The following PIKFYVE variants were observed in gnomAD, a reference collection of about 807,000 sequenced individuals.
PIKFYVE encodes the protein phosphoinositide kinase, FYVE-type zinc finger containing, also known as 1-phosphatidylinositol 3-phosphate 5-kinase.
PIKFYVE carries 122 observed loss-of-function variants against 257.9 expected under a neutral mutation model. That is an observed-to-expected ratio of 0.47 (90% confidence interval 0.41 to 0.55). The LOEUF is 0.55. Ranked by LOEUF, PIKFYVE falls within the 20% of genes least tolerant of loss-of-function variation. The probability of loss-of-function intolerance (pLI) is 0.00; values close to 1 mark genes in which losing one functional copy is unlikely to be tolerated. For synonymous variants in PIKFYVE, 892 were observed against 868.9 expected, an observed-to-expected ratio of 1.03 and a Z score of -0.47; for missense variants, 2,160 against 2,536.6, an observed-to-expected ratio of 0.85 and a Z score of 3.19.
intron 7 of PIKFYVE, among the ~76,000 whole-genome samples, chr2:208,292,969 T>G (rs2125236921): frequency 6.6e-6 from 1 of 152,246 alleles, no homozygotes; most frequent in South Asian, 2.1e-4. Flanking sequence ...TTTCTACTTG[T>G]TGCCCTTGTT....
Position 208,340,067 on chromosome 2 carries a change from A to G in PIKFYVE, c.4867A>G (p.Thr1623Ala), listed in dbSNP as rs369050968. Residue 1623 changes from threonine (T) to alanine (A), a missense_variant, in exon 31 of 42, where the codon ACC (threonine) becomes GCC (alanine). By Grantham distance (58) the Thr-to-Ala change is moderately conservative. This residue lies in a region of PIKFYVE where 699 missense variants were observed against 855.8 expected (regional missense o/e 0.82). Transcript: ENST00000264380. ...STDSQVKEKS[T>A]MKAIFANLLP... ...AGACAGCCAAGTGAAGGAAAAGTCA[A>G]CCATGAAAGCCATCTTTGCAAATTT... The G allele has an allele frequency of 9.3e-6, 15 of 1,614,052 alleles. No homozygotes were observed. The highest frequency in any genetic ancestry group is 1.3e-5 in the Non-Finnish European group (15 of 1,179,908).
chr2:208,273,869 T>A, intron 3 of PIKFYVE, 136 bp downstream of exon 3: 1 of 1,374,398 alleles, frequency 7.3e-7, no homozygotes, highest in African/African-American at 1.4e-5. Context: ...AATAGTCAGG[T>A]ACTGTTTAGA....
At chr2:208,315,790 G>C (rs1695433753) in intron 15 of PIKFYVE, among the ~76,000 whole-genome samples, 1 of 151,734 alleles carries the variant, frequency 6.6e-6, no homozygotes, top group South Asian at 2.1e-4. Context: ...CTTTGAATCT[G>C]GCCCAACACC....
At chr2:208,349,904 T>G in intron 35 of PIKFYVE, 120 bp from the exon 36 acceptor site, 1 of 1,419,922 alleles carries the variant, frequency 7.0e-7, no homozygotes, top group Non-Finnish European at 9.6e-7. Flanking sequence ...GTGACTTGAG[T>G]AGGATATTTT....
Position 208,347,955 on chromosome 2 carries a change from A to G in PIKFYVE, c.5306A>G (p.Asp1769Gly). ...AAGAGAGAGACCTTACGTGGAGCAG[A>G]TAGTGCTTACTACCAGGTTGGGCAG... ...SQKRETLRGA[D>G]SAYYQVGQTG... The change falls in exon 35 of 42, where the codon GAT (aspartate) becomes GGT (glycine). Residue 1769 changes from aspartate (D) to glycine (G), a missense_variant. By Grantham distance (94) the Asp-to-Gly change is moderately conservative (BLOSUM62 -1). This residue lies in a region of PIKFYVE where 699 missense variants were observed against 855.8 expected (regional missense o/e 0.82). Coordinates refer to ENST00000264380, the MANE Select transcript of PIKFYVE (RefSeq NM_015040.4). 1 of 1,614,140 alleles carries G rather than the reference A, an allele frequency of 6.2e-7. No individual in the cohort carries two copies. Among genetic ancestry groups the G allele is most frequent in the Non-Finnish European group, 8.5e-7 (1 of 1,179,966 alleles).
chr2:208,340,769 A>T (rs1175192010), intron 31 of PIKFYVE, among the ~76,000 whole-genome samples: 1 of 152,188 alleles, frequency 6.6e-6, no homozygotes, highest in African/African-American at 2.4e-5. Context: ...TGCCTGTTTA[A>T]GTGTCCTGTG....
intron 17 of PIKFYVE, among the ~76,000 whole-genome samples, chr2:208,320,919 GCTCTCTCCCCAGGGAGGCACACCCGCAT>G (rs1371093168): frequency 1.3e-5 from 2 of 152,246 alleles, no homozygotes; most frequent in East Asian, 3.9e-4. Context: ...TGCTTGCAGG[GCTCTCTCCCCAGGGAGGCACACCCGCAT>G]CTCTGTGTGG....
At chr2:208,306,185 T>C (rs1010077941) in intron 12 of PIKFYVE, among the ~76,000 whole-genome samples, 1 of 152,194 alleles carries the variant, frequency 6.6e-6, no homozygotes, top group Admixed American at 6.5e-5. Flanking sequence ...GTAGAGAAGG[T>C]GTGTTAATGA....
At chr2:208,332,714 A>C (rs1697685284) in intron 23 of PIKFYVE, among the ~76,000 whole-genome samples, 1 of 152,184 alleles carries the variant, frequency 6.6e-6, no homozygotes, top group Admixed American at 6.5e-5. Flanking sequence ...ATTTACAAAT[A>C]TACTGGCTGT....
chr2:208,317,320 G>A (rs1695645932), intron 15 of PIKFYVE, among the ~76,000 whole-genome samples: 1 of 151,846 alleles, frequency 6.6e-6, no homozygotes, highest in Non-Finnish European at 1.5e-5. Flanking sequence ...GTGGGCAAAG[G>A]ATATGAACAG....
intron 35 of PIKFYVE, 45 bp from the exon 36 acceptor site, chr2:208,349,979 A>C: frequency 6.2e-7 from 1 of 1,607,914 alleles, no homozygotes; most frequent in Non-Finnish European, 8.5e-7. Flanking sequence ...ATGAACTGAT[A>C]ATTACTCAAA....
rs768197785 is a variant in PIKFYVE, at chr2:208,300,942, T to G, written c.1056T>G (p.Ser352Arg). Residue 352 changes from serine (S) to arginine (R), a missense_variant, in exon 9 of 42, where the codon AGT becomes AGG. Physicochemically the swap from Ser to Arg is moderately radical, Grantham distance 110. This residue lies in a region of PIKFYVE where 187 missense variants were observed against 185.6 expected (regional missense o/e 1.01). Transcript: ENST00000264380. Reference protein sequence around the residue: ...TEDERKILLDSVQLKDLWKKI... With the variant: ...TEDERKILLDRVQLKDLWKKI... Reference sequence around the variant, plus strand: ...TGCTGTTAATGTGATTGCAGGACAGTGTGCAGTTAAAAGACCTGTGGAAAA... The same window carrying G: ...TGCTGTTAATGTGATTGCAGGACAGGGTGCAGTTAAAAGACCTGTGGAAAA... The G allele has an allele frequency of 6.2e-7, 1 of 1,614,036 alleles. No individual in the cohort carries two copies. The highest frequency in any genetic ancestry group is 8.5e-7 in the Non-Finnish European group (1 of 1,179,972).
At position 208,325,493 on chromosome 2, in the gene PIKFYVE, G is replaced by C. The variant is rs139157818; in HGVS notation, c.2682G>C (p.Glu894Asp). 4.6e-5 allele frequency: 75 copies of C among 1,614,064 alleles called. No individual in the cohort carries two copies. The African/African-American group carries it at 9.5e-4, about 20-fold the overall frequency. The stretch of plus-strand genomic sequence containing the variant: ...ACCCTTCATTCCATTCCCTGATTGA[G>C]GGACGAGGGCATGAGGGGGCTGTCC... ...MQNPSFHSLI[E>D]GRGHEGAVQE... The change falls in exon 20 of 42, where the codon GAG becomes GAC. Residue 894 changes from glutamate to aspartate, a missense_variant. Glu to Asp is a conservative substitution (Grantham distance 45, BLOSUM62 2). This residue lies in a region of PIKFYVE where 522 missense variants were observed against 514.6 expected (regional missense o/e 1.01). Coordinates refer to ENST00000264380, the MANE Select transcript of PIKFYVE (RefSeq NM_015040.4).
At chr2:208,313,436 G>A (rs1264277382) in intron 13 of PIKFYVE, among the ~76,000 whole-genome samples, 2 of 151,618 alleles carry the variant, frequency 1.3e-5, no homozygotes, top group Non-Finnish European at 2.9e-5. Flanking sequence ...CACTATTGAG[G>A]ATTGTCTGAA....
At chr2:208,353,198 A>G (rs193239336) in intron 39 of PIKFYVE, among the ~76,000 whole-genome samples, 16 of 152,334 alleles carry the variant, frequency 1.1e-4, no homozygotes, top group Admixed American at 9.8e-4. Flanking sequence ...ATGATAAGAT[A>G]AGGAACGTGT....
At position 208,353,972 on chromosome 2, in the gene PIKFYVE, C is replaced by T; in HGVS notation, c.5919C>T (p.Val1973=). ...TDTGKESCDV[V]LLDENLLKMV... is the part of the protein sequence containing the mutation. ...CTGGAAAAGAGAGTTGTGATGTGGT[C>T]CTGCTAGATGAAAATCTCCTAAAGA... The change falls in exon 40 of 42, where the codon GTC becomes GTT. Residue 1973 remains valine, a synonymous_variant. Transcript: ENST00000264380. 2 of 1,613,944 alleles carry T rather than the reference C, an allele frequency of 1.2e-6. No homozygotes were observed. The highest frequency in any genetic ancestry group is 1.1e-5 in the South Asian group (1 of 91,056).
chr2:208,308,790 C>G (rs1333353972), intron 12 of PIKFYVE, among the ~76,000 whole-genome samples: 1 of 151,708 alleles, frequency 6.6e-6, no homozygotes, highest in African/African-American at 2.4e-5. Context: ...TCACTGCAAC[C>G]TCCGCCTTCC....
chr2:208,334,332 C>T (rs1397051347), intron 24 of PIKFYVE: 1 of 152,536 alleles, frequency 6.6e-6, no homozygotes, highest in Non-Finnish European at 1.5e-5. Context: ...CTGCTCTAGA[C>T]ACTCCAAAGG....
At chr2:208,332,137 G>A (rs1450081031) in intron 23 of PIKFYVE, among the ~76,000 whole-genome samples, 1 of 152,014 alleles carries the variant, frequency 6.6e-6, no homozygotes, top group Non-Finnish European at 1.5e-5. Context: ...ATTTCTATGA[G>A]CCATGATAAT....
Sources: allele counts gnomAD v4.1 joint callset (sites outside exome capture counted in the v4.1 genomes callset), GRCh38; gene constraint gnomAD v4.1.1; regional missense constraint gnomAD v4.1.1; transcripts MANE v1.5; gene names NCBI Gene and HGNC (gene_info 2026-07-23, HGNC 2026-07-21).